Variants in LAMA2 observed in about 807,000 individuals in gnomAD.
LAMA2 encodes laminin subunit alpha 2.
In LAMA2, 269 loss-of-function variants were observed where a neutral mutation model predicts 364.8. The ratio of observed to expected loss-of-function variants is 0.74; its 90% CI spans 0.67 to 0.82. LAMA2 has a LOEUF of 0.82. LAMA2 is among the 40% of genes least tolerant of loss of function. The pLI, the probability that LAMA2 is intolerant of heterozygous loss-of-function variation, is 0.00. For synonymous variants in LAMA2, 1,379 were observed against 1,370.6 expected, an observed-to-expected ratio of 1.01 and a Z score of -0.14; for missense variants, 3,807 against 3,873.2, an observed-to-expected ratio of 0.98 and a Z score of 0.45.
At chr6:128,996,372 A>G (rs111257137) in intron 1 of LAMA2, among the ~76,000 whole-genome samples, 3,177 of 152,258 alleles carry the variant, frequency 0.021, 111 homozygotes, top group African/African-American at 0.072. Context: ...AATTTTTGCA[A>G]TCTATCCATC....
At chr6:129,149,131 C>G (rs1034453050) in intron 7 of LAMA2, 35 bp downstream of exon 7, 2 of 1,285,982 alleles carry the variant, frequency 1.6e-6, no homozygotes, top group Non-Finnish European at 2.3e-6. Flanking sequence ...ATATGTCATT[C>G]TTCCTTTCCA....
chr6:129,231,244 A>G (rs1368469087), intron 12 of LAMA2, among the ~76,000 whole-genome samples: 1 of 152,180 alleles, frequency 6.6e-6, no homozygotes, highest in Non-Finnish European at 1.5e-5. Context: ...AGAAACAAAG[A>G]AGGCATAGGT....
intron 58 of LAMA2, among the ~76,000 whole-genome samples, chr6:129,498,310 C>A (rs73776191): frequency 2.6e-5 from 4 of 152,120 alleles, no homozygotes; most frequent in Admixed American, 2.0e-4. Context: ...GAAAGGAAAG[C>A]GATTTCCCTA....
chr6:129,235,123 G>T (rs1784901171), intron 12 of LAMA2, among the ~76,000 whole-genome samples: 1 of 152,090 alleles, frequency 6.6e-6, no homozygotes, highest in Non-Finnish European at 1.5e-5. Context: ...ACTAGTGAAT[G>T]CCCATGTGAA....
At chr6:129,232,776 C>G (rs1784749333) in intron 12 of LAMA2, among the ~76,000 whole-genome samples, 1 of 152,074 alleles carries the variant, frequency 6.6e-6, no homozygotes, top group African/African-American at 2.4e-5. Context: ...GGAAGATGAT[C>G]CTGCGTTATC....
rs188674355 is a variant in LAMA2, at chr6:128,929,522, C to T, written c.112+46165C>T. 27 of 883,576 alleles carry T rather than the reference C, an allele frequency of 3.1e-5. No individual in the cohort carries two copies. In the East Asian group the frequency reaches 6.0e-4, roughly 20 times the overall value. 54.7% of individuals were successfully genotyped at this position (883,576 alleles called of 1,614,324 possible). On this transcript the variant is annotated intron_variant, in intron 1 of 64. Coordinates refer to ENST00000421865, the MANE Select transcript of LAMA2 (RefSeq NM_000426.4). ...GCCGACCAGATCGATTCTGCTTGTA[C>T]CTGTAGAGAAACTCCTGAGCGACAA... is the stretch of plus-strand genomic sequence containing the variant.
intron 1 of LAMA2, among the ~76,000 whole-genome samples, chr6:129,041,789 G>A (rs564550149): frequency 6.6e-6 from 1 of 152,024 alleles, no homozygotes; most frequent in East Asian, 2.0e-4. Context: ...CATTGCCTGA[G>A]GGCAGGATTT....
rs78118963 is a variant in LAMA2 at position 128,916,459 on chromosome 6, C to T, written c.112+33102C>T. On this transcript the variant is annotated intron_variant, in intron 1 of 64. Coordinates refer to ENST00000421865, the MANE Select transcript of LAMA2 (RefSeq NM_000426.4). ...CACTGAGCTTCTGTTACATGAATACCTGAGTATTATGTGGCTACTTCTGAA... is the reference window on the plus strand; with the variant it reads ...CACTGAGCTTCTGTTACATGAATACTTGAGTATTATGTGGCTACTTCTGAA... Among the ~76,000 whole-genome samples, 1,032 of 152,218 alleles carry T rather than the reference C, an allele frequency of 6.8e-3. 9 individuals carry two copies. Among genetic ancestry groups the T allele is most frequent in the Non-Finnish European group, 0.012 (786 of 68,012 alleles).
chr6:129,163,414 G>T (rs9492254), intron 8 of LAMA2, among the ~76,000 whole-genome samples: 1 of 151,698 alleles, frequency 6.6e-6, no homozygotes, highest in Non-Finnish European at 1.5e-5. Context: ...CAGGCAAGTC[G>T]CTTGCGGTCA....
rs562924101 is a variant in LAMA2, at chr6:129,013,310, G to A, written c.113-36608G>A. ...AAATTAGCCCGGCGTGGTGGCGGGC[G>A]CCTGTAGTCCCAGCTACTCGGGAGG... On this transcript the variant is annotated intron_variant, in intron 1 of 64. Coordinates refer to ENST00000421865, the MANE Select transcript of LAMA2 (RefSeq NM_000426.4). 6.6e-5 allele frequency among the ~76,000 whole-genome samples: 10 copies of A among 152,188 alleles called. No homozygotes were observed. The East Asian group carries it at 1.6e-3, about 24-fold the overall frequency.
chr6:129,051,911 T>C (rs75414972), intron 2 of LAMA2, among the ~76,000 whole-genome samples: 20,009 of 151,220 alleles, frequency 0.13, 1,392 homozygotes, highest in Middle Eastern at 0.2. Flanking sequence ...TGCGAGTGTG[T>C]AGATGTGTGT....
intron 1 of LAMA2, among the ~76,000 whole-genome samples, chr6:128,975,626 A>G (rs1373998864): frequency 6.6e-6 from 1 of 152,066 alleles, no homozygotes; most frequent in Non-Finnish European, 1.5e-5. Context: ...GAGGGAGGCA[A>G]TTCAATCATA....
rs913763092 is a variant in LAMA2, at chr6:129,314,568, A to T, written c.3412-87A>T. 4 of 1,254,344 alleles carry T rather than the reference A, an allele frequency of 3.2e-6. No homozygotes were observed. In the African/African-American group the frequency reaches 5.9e-5, roughly 19 times the overall value. The allele number at this position is 1,254,344 out of a possible 1,614,324, so 77.7% of individuals were successfully genotyped here. On this transcript the variant is annotated intron_variant, in intron 23 of 64. Coordinates refer to ENST00000421865, the MANE Select transcript of LAMA2 (RefSeq NM_000426.4). ...CTGTTTTGTTTTAAATTTTTTAAAA[A>T]GAGTATGCTCCCGTTATGCATTCTC...
intron 53 of LAMA2, among the ~76,000 whole-genome samples, chr6:129,478,485 A>T (rs761291423): frequency 5.3e-4 from 80 of 152,306 alleles, no homozygotes; most frequent in Non-Finnish European, 1.0e-3. Flanking sequence ...AGGACTACAA[A>T]AAGACTCCTT....
chr6:129,177,637 A>C (rs1318080636), intron 9 of LAMA2, 69 bp from the exon 10 acceptor site: 4 of 1,499,104 alleles, frequency 2.7e-6, no homozygotes, highest in Non-Finnish European at 3.7e-6. Context: ...GGTTACTGTC[A>C]TTAAAACTTT....
Position 129,349,306 on chromosome 6 carries a change from C to T in LAMA2, c.4445C>T (p.Pro1482Leu). 1 of 1,612,950 alleles carries T rather than the reference C, an allele frequency of 6.2e-7. No homozygotes were observed. Among genetic ancestry groups the T allele is most frequent in the Non-Finnish European group, 8.5e-7 (1 of 1,179,258 alleles). Residue 1482 changes from proline (P) to leucine (L), a missense_variant, in exon 31 of 65, where the codon CCC becomes CTC. This residue lies in a region of LAMA2 where 3,333 missense variants were observed against 3,345.7 expected (regional missense o/e 1.00). Coordinates refer to ENST00000421865, the MANE Select transcript of LAMA2 (RefSeq NM_000426.4). Reference sequence around the variant, plus strand: ...TTTTCTTTCTGATTCAGTTTCAGCCCCTCTTGTGTCGCAGAAGGACTTGAC... The same window carrying T: ...TTTTCTTTCTGATTCAGTTTCAGCCTCTCTTGTGTCGCAGAAGGACTTGAC... ...PLISSSNNFS[P>L]SCVAEGLDDY...
At chr6:129,006,101 G>A (rs1036587194) in intron 1 of LAMA2, among the ~76,000 whole-genome samples, 1 of 151,952 alleles carries the variant, frequency 6.6e-6, no homozygotes, top group Admixed American at 6.6e-5. Context: ...CTGTTTGGCA[G>A]TTTATCATAA....
At chr6:129,483,006 G>T (rs1192995278) in intron 55 of LAMA2, among the ~76,000 whole-genome samples, 1 of 150,130 alleles carries the variant, frequency 6.7e-6, no homozygotes, top group African/African-American at 2.5e-5. Flanking sequence ...GGCCGAGGTT[G>T]CAGTGAGCCG....
chr6:129,203,390 C>G (rs1232163010), intron 12 of LAMA2, among the ~76,000 whole-genome samples: 1 of 152,226 alleles, frequency 6.6e-6, no homozygotes, highest in African/African-American at 2.4e-5. Context: ...CTGCCACTTG[C>G]AATAGATCAG....
Sources: gnomAD v4.1 joint callset for allele counts (sites outside exome capture counted in the v4.1 genomes callset) on GRCh38, gnomAD v4.1.1 for gene constraint, gnomAD v4.1.1 regional missense constraint, MANE v1.5 for transcripts, NCBI Gene and HGNC (gene_info 2026-07-23, HGNC 2026-07-21) for gene names.